Variants in SUPT3H observed in about 807,000 individuals in gnomAD.
SUPT3H encodes the protein SPT3 homolog, SAGA and STAGA complex component.
A neutral mutation model predicts 44.3 loss-of-function variants in SUPT3H; 44 were observed. The ratio of observed to expected loss-of-function variants is 0.99; its 90% CI spans 0.78 to 1.28. The LOEUF is 1.28. Ranked by LOEUF, SUPT3H falls within the 50% of genes most tolerant of loss-of-function variation. The probability of loss-of-function intolerance (pLI) is 0.00; values close to 1 mark genes in which losing one functional copy is unlikely to be tolerated. For synonymous variants in SUPT3H, 124 were observed against 125.6 expected, an observed-to-expected ratio of 0.99 and a Z score of 0.09; for missense variants, 380 against 387.1, an observed-to-expected ratio of 0.98 and a Z score of 0.15.
intron 10 of SUPT3H, 103 bp downstream of exon 10, chr6:44,932,550 C>A: frequency 1.3e-6 from 1 of 761,436 alleles, no homozygotes. Context: ...ACAGTCACCA[C>A]AAATTGCTTT....
At position 45,112,657 on chromosome 6, in the gene SUPT3H, G is replaced by A. The variant is rs1246616320; in HGVS notation, c.102-6651C>T. ...TGATTAAGTTTCTAACAGAGGGGAA[G>A]GGCTGATTAAGTTTTAATTAAAGAG... On this transcript the variant is annotated intron_variant, in intron 2 of 10. Transcript: ENST00000371459. 2.0e-5 allele frequency among the ~76,000 whole-genome samples: 3 copies of A among 152,238 alleles called. No individual in the cohort carries two copies. In the East Asian group the frequency reaches 5.8e-4, roughly 29 times the overall value.
intron 3 of SUPT3H, among the ~76,000 whole-genome samples, chr6:45,084,037 A>C (rs1000175063): frequency 6.6e-6 from 1 of 152,218 alleles, no homozygotes; most frequent in Non-Finnish European, 1.5e-5. Flanking sequence ...AACTGTAAGA[A>C]TCCTAGAAGA....
chr6:45,158,285 TATATATATA>T (rs1808247032), intron 2 of SUPT3H, among the ~76,000 whole-genome samples: 5 of 39,290 alleles, frequency 1.3e-4, no homozygotes, highest in Non-Finnish European at 2.8e-4. Context: ...CATATATATA[TATATATATA>T]TATATTTTTT....
In SUPT3H at chr6:45,285,249, C is replaced by T. The variant is rs547778422; in HGVS notation, c.101+79952G>A. ...TGTTGGAAGTTCTGGCCAGGGCAAT[C>T]AGGCAGGAGAAGGAAATAAAGGGTA... On this transcript the variant is annotated intron_variant, in intron 2 of 10. Coordinates refer to ENST00000371459, the MANE Select transcript of SUPT3H (RefSeq NM_003599.4). Among the ~76,000 whole-genome samples the T allele has an allele frequency of 2.5e-3, 378 of 151,556 alleles. 1 individual carries two copies. The highest frequency in any genetic ancestry group is 8.3e-3 in the African/African-American group (343 of 41,310).
intron 2 of SUPT3H, among the ~76,000 whole-genome samples, chr6:45,289,296 C>A (rs182728801): frequency 1.3e-5 from 2 of 151,810 alleles, no homozygotes; most frequent in East Asian, 3.9e-4. Context: ...AAAAAAGAAC[C>A]GTAAGAAGAG....
chr6:44,867,685 T>C (rs1039347219), intron 10 of SUPT3H, among the ~76,000 whole-genome samples: 1 of 152,106 alleles, frequency 6.6e-6, no homozygotes, highest in Non-Finnish European at 1.5e-5. Context: ...GTTCACACCC[T>C]TGCAAAAACC....
intron 2 of SUPT3H, among the ~76,000 whole-genome samples, chr6:45,356,592 G>A (rs986445196): frequency 1.3e-5 from 2 of 151,796 alleles, no homozygotes; most frequent in African/African-American, 4.8e-5. Flanking sequence ...GTAGAGACAG[G>A]GTTTCACCAT....
intron 3 of SUPT3H, among the ~76,000 whole-genome samples, chr6:45,066,197 C>T (rs1232964701): frequency 6.6e-6 from 1 of 150,942 alleles, no homozygotes; most frequent in Non-Finnish European, 1.5e-5. Context: ...TAAACAGAGC[C>T]AAAGACAAAA....
intron 2 of SUPT3H, among the ~76,000 whole-genome samples, chr6:45,207,889 T>C (rs554769271): frequency 2.1e-4 from 32 of 152,218 alleles, no homozygotes; most frequent in Non-Finnish European, 3.7e-4. Context: ...GGCCAGTCAA[T>C]AACCCTACAA....
At chr6:45,070,698 G>T (rs550357861) in intron 3 of SUPT3H, among the ~76,000 whole-genome samples, 2 of 125,918 alleles carry the variant, frequency 1.6e-5, no homozygotes, top group African/African-American at 6.1e-5. Flanking sequence ...TTGCACCACT[G>T]CACTCCAGCC....
chr6:44,893,636 G>A (rs1217135034), intron 10 of SUPT3H, among the ~76,000 whole-genome samples: 1 of 151,642 alleles, frequency 6.6e-6, no homozygotes, highest in African/African-American at 2.4e-5. Flanking sequence ...GGACATTTGG[G>A]TTGGTTCCAA....
chr6:45,296,110 GATATAT>G (rs70996320), intron 2 of SUPT3H, among the ~76,000 whole-genome samples: 1 of 151,308 alleles, frequency 6.6e-6, no homozygotes, highest in Admixed American at 6.6e-5. Context: ...AGGAAATTGT[GATATAT>G]ATATAAGTAT....
intron 2 of SUPT3H, among the ~76,000 whole-genome samples, chr6:45,126,403 T>A (rs1802433748): frequency 6.6e-6 from 1 of 152,208 alleles, no homozygotes; most frequent in Admixed American, 6.5e-5. Flanking sequence ...TGAAAAAAGA[T>A]GGATACACAT....
chr6:45,303,486 T>A (rs1007167254), intron 2 of SUPT3H, among the ~76,000 whole-genome samples: 1 of 151,946 alleles, frequency 6.6e-6, no homozygotes, highest in Non-Finnish European at 1.5e-5. Context: ...CAAAAGAAGA[T>A]AGAGAAATGG....
intron 1 of SUPT3H, among the ~76,000 whole-genome samples, chr6:45,367,660 C>T (rs983269386): frequency 2.6e-5 from 4 of 152,124 alleles, no homozygotes; most frequent in African/African-American, 9.7e-5. Flanking sequence ...AGTAGTAACC[C>T]CAGCCTCCAG....
intron 9 of SUPT3H, among the ~76,000 whole-genome samples, chr6:44,946,556 A>G (rs1773380020): frequency 6.6e-6 from 1 of 152,130 alleles, no homozygotes; most frequent in Non-Finnish European, 1.5e-5. Context: ...ACTTCAGTGG[A>G]GGAGGTAACT....
intron 10 of SUPT3H, among the ~76,000 whole-genome samples, chr6:44,868,244 A>T (rs1427308100): frequency 6.6e-6 from 1 of 152,150 alleles, no homozygotes; most frequent in Non-Finnish European, 1.5e-5. Context: ...CCTTCCTCTT[A>T]ACAAGTTCTT....
At chr6:45,046,865 A>C (rs1460739938) in intron 3 of SUPT3H, among the ~76,000 whole-genome samples, 13 of 152,122 alleles carry the variant, frequency 8.5e-5, no homozygotes, top group African/African-American at 3.1e-4. Context: ...CTGAAAAATT[A>C]CTCCTCTCAA....
chr6:44,862,414 C>T (rs925822850), intron 10 of SUPT3H, among the ~76,000 whole-genome samples: 7 of 152,066 alleles, frequency 4.6e-5, no homozygotes, highest in Non-Finnish European at 8.8e-5. Flanking sequence ...CAGTGACACA[C>T]ACCTGTAATT....
Sources: allele counts gnomAD v4.1 joint callset (sites outside exome capture counted in the v4.1 genomes callset), GRCh38; gene constraint gnomAD v4.1.1; transcripts MANE v1.5; gene names NCBI Gene and HGNC (gene_info 2026-07-23, HGNC 2026-07-21).